Variants in TRAF2 observed in about 807,000 individuals in gnomAD.
TRAF2 encodes the protein TNF receptor associated factor 2, also known as TNF receptor-associated factor 2.
In TRAF2, 6 loss-of-function variants were observed where a neutral mutation model predicts 55.6. The ratio of observed to expected loss-of-function variants is 0.11; its 90% CI spans 0.06 to 0.21. The LOEUF (loss-of-function observed/expected upper bound fraction) is 0.21, where lower values mean the gene tolerates loss of function less well. Among genes scored for constraint, TRAF2 ranks in the 10% least tolerant of loss-of-function variants. The pLI, the probability that TRAF2 is intolerant of heterozygous loss-of-function variation, is 1.00. For synonymous variants in TRAF2, 329 were observed against 276.3 expected (o/e 1.19, Z -1.89); for missense variants, 561 against 684.5 (o/e 0.82, Z 2.01).
At chr9:136,887,157 G>T (rs1849471965) in intron 1 of TRAF2, among the ~76,000 whole-genome samples, 1 of 152,196 alleles carries the variant, frequency 6.6e-6, no homozygotes, top group African/African-American at 2.4e-5. Flanking sequence ...TGGGAGGGTC[G>T]GGGGCAGCAA....
At chr9:136,914,774 A>T (rs1850200350) in intron 6 of TRAF2, among the ~76,000 whole-genome samples, 1 of 152,012 alleles carries the variant, frequency 6.6e-6, no homozygotes, top group South Asian at 2.1e-4. Flanking sequence ...GTCTGTATTG[A>T]GTTGCTGTGT....
chr9:136,920,446 C>T lies in TRAF2; in HGVS notation c.891C>T (p.Ala297=). The T allele has an allele frequency of 6.2e-7, 1 of 1,613,966 alleles. No individual in the cohort carries two copies. Among genetic ancestry groups the T allele is most frequent in the Non-Finnish European group, 8.5e-7 (1 of 1,180,022 alleles). The change falls in exon 8 of 11, where the codon GCC becomes GCT. Residue 297 remains alanine, a synonymous_variant. Transcript: ENST00000247668. ...CVLNREVERV[A]MTAEACSRQH... ...TGAACCGGGAGGTGGAGAGGGTGGC[C>T]ATGACTGCCGAGGCCTGCAGCCGGC... is the stretch of plus-strand genomic sequence containing the variant.
Position 136,925,754 on chromosome 9 carries a change from A to C in TRAF2, c.1359A>C (p.Ser453=), listed in dbSNP as rs562906423. ...ACGCCTTCAGGCCCGACGTGACTTC[A>C]TCCTCTTTTCAGAGGCCAGTCAACG... ...VIDAFRPDVT[S]SSFQRPVNDM... Residue 453 remains serine (S), a synonymous_variant, in exon 11 of 11, where the codon TCA becomes TCC. Coordinates refer to ENST00000247668, the MANE Select transcript of TRAF2 (RefSeq NM_021138.4). 1.2e-6 allele frequency: 2 copies of C among 1,614,258 alleles called. No individual in the cohort carries two copies. Among genetic ancestry groups the C allele is most frequent in the South Asian group, 1.1e-5 (1 of 91,088 alleles).
chr9:136,920,972 G>A (rs1316080005), intron 8 of TRAF2, 66 bp from the exon 9 acceptor site: 4 of 1,586,348 alleles, frequency 2.5e-6, no homozygotes, highest in Admixed American at 3.4e-5. Context: ...ATCGGTGGGT[G>A]TGGGAGGCAG....
intron 6 of TRAF2, 24 bp downstream of exon 6, chr9:136,910,018 A>G: frequency 1.2e-6 from 2 of 1,608,246 alleles, no homozygotes; most frequent in South Asian, 1.1e-5. Flanking sequence ...ACCTCCTTGG[A>G]GGACCGCAGG....
intron 2 of TRAF2, 83 bp from the exon 3 acceptor site, chr9:136,899,511 A>G: frequency 8.0e-7 from 1 of 1,256,042 alleles, no homozygotes; most frequent in Admixed American, 2.0e-5. Context: ...GTGTGGAGGT[A>G]GGTTTTTGAA....
At chr9:136,908,266 A>C in intron 5 of TRAF2, 35 bp downstream of exon 5, 1 of 1,528,486 alleles carries the variant, frequency 6.5e-7, no homozygotes, top group Non-Finnish European at 8.7e-7. Context: ...GTGTGGCTGC[A>C]GCCATGCGGG....
At chr9:136,888,257 C>T (rs1259062933) in intron 1 of TRAF2, among the ~76,000 whole-genome samples, 1 of 152,162 alleles carries the variant, frequency 6.6e-6, no homozygotes, top group African/African-American at 2.4e-5. Context: ...CTGAATATTA[C>T]TCAGATGAGC....
intron 9 of TRAF2, among the ~76,000 whole-genome samples, chr9:136,921,731 TGA>T (rs1387554916): frequency 6.6e-6 from 1 of 151,778 alleles, no homozygotes; most frequent in Non-Finnish European, 1.5e-5. Context: ...TGGGGTCTCT[TGA>T]GAGGGTGCTC....
chr9:136,900,480 G>C lies in TRAF2; in HGVS notation c.326G>C (p.Ser109Thr). ...GAGAGCCTGCCGGCCGTCTGTCCCAGTGATGGATGCACCTGGAAGGGGACC... is the reference window on the plus strand; with the variant it reads ...GAGAGCCTGCCGGCCGTCTGTCCCACTGATGGATGCACCTGGAAGGGGACC... ...EVESLPAVCP[S>T]DGCTWKGTLK... Residue 109 changes from serine (S) to threonine (T), a missense_variant, in exon 4 of 11, where the codon AGT (serine) becomes ACT (threonine). Physicochemically the swap from Ser to Thr is moderately conservative, Grantham distance 58. Coordinates refer to ENST00000247668, the MANE Select transcript of TRAF2 (RefSeq NM_021138.4). The C allele has an allele frequency of 6.2e-7, 1 of 1,613,932 alleles. No individual in the cohort carries two copies. The highest frequency in any genetic ancestry group is 8.5e-7 in the Non-Finnish European group (1 of 1,179,916).
At chr9:136,906,782 G>A (rs1364096307) in intron 4 of TRAF2, among the ~76,000 whole-genome samples, 2 of 152,192 alleles carry the variant, frequency 1.3e-5, no homozygotes, top group African/African-American at 2.4e-5. Flanking sequence ...TCCTGTAAGC[G>A]GCACGTTCAG....
At chr9:136,887,546 T>C (rs1439335283) in intron 1 of TRAF2, among the ~76,000 whole-genome samples, 1 of 152,026 alleles carries the variant, frequency 6.6e-6, no homozygotes, top group African/African-American at 2.4e-5. Flanking sequence ...AAGACGGGGC[T>C]CGGAGGAGGA....
In TRAF2 at chr9:136,923,941, T is replaced by C; in HGVS notation, c.1228T>C (p.Phe410Leu). ...CGGGCGAGGAACACACCTGTCCCTC[T>C]TCTTTGTGGTGATGAAGGGCCCGAA... ...GTGRGTHLSL[F>L]FVVMKGPNDA... Residue 410 changes from phenylalanine to leucine, a missense_variant, in exon 10 of 11, where the codon TTC becomes CTC. Around this residue, in one of 2 missense-constraint regions of TRAF2, gnomAD observed 135 missense variants for 207.7 expected, o/e 0.65. Coordinates refer to ENST00000247668, the MANE Select transcript of TRAF2 (RefSeq NM_021138.4). 1 of 1,614,080 alleles carries C rather than the reference T, an allele frequency of 6.2e-7. No homozygotes were observed. The highest frequency in any genetic ancestry group is 8.5e-7 in the Non-Finnish European group (1 of 1,180,012).
chr9:136,885,303 G>C (rs1207088973), upstream of TRAF2, among the ~76,000 whole-genome samples: 1 of 152,160 alleles, frequency 6.6e-6, no homozygotes, highest in Admixed American at 6.5e-5. Context: ...CTCCGTGAAC[G>C]TTTCCTTCTC....
At chr9:136,907,130 C>G (rs1003095700) in intron 4 of TRAF2, among the ~76,000 whole-genome samples, 1 of 152,234 alleles carries the variant, frequency 6.6e-6, no homozygotes, top group East Asian at 1.9e-4. Context: ...GGAGCTGGCA[C>G]CGCCTCCCTT....
At chr9:136,922,165 G>A (rs1169024794) in intron 9 of TRAF2, among the ~76,000 whole-genome samples, 1 of 152,220 alleles carries the variant, frequency 6.6e-6, no homozygotes, top group East Asian at 1.9e-4. Flanking sequence ...GTCATCTGGA[G>A]GGGCCGCCAC....
At chr9:136,910,126 C>T (rs146799563) in intron 6 of TRAF2, 132 bp downstream of exon 6, 32 of 1,014,992 alleles carry the variant, frequency 3.2e-5, no homozygotes, top group African/African-American at 2.1e-4. Flanking sequence ...GCCCCTGTAA[C>T]GTTGGGTCAT....
chr9:136,901,492 G>C (rs889736072), intron 4 of TRAF2, among the ~76,000 whole-genome samples: 11 of 152,222 alleles, frequency 7.2e-5, no homozygotes. Context: ...AGTGTGCTGA[G>C]TGACATGAGC....
intron 1 of TRAF2, among the ~76,000 whole-genome samples, chr9:136,887,543 G>T (rs533484265): frequency 9.2e-5 from 14 of 152,298 alleles, no homozygotes; most frequent in African/African-American, 3.1e-4. Flanking sequence ...GTGAAGACGG[G>T]GCTCGGAGGA....
Sources: gnomAD v4.1 joint callset for allele counts (sites outside exome capture counted in the v4.1 genomes callset) on GRCh38, gnomAD v4.1.1 for gene constraint, gnomAD v4.1.1 regional missense constraint, MANE v1.5 for transcripts, NCBI Gene and HGNC (gene_info 2026-07-23, HGNC 2026-07-21) for gene names.